Variants in PRP4K observed in about 807,000 individuals in gnomAD.
The protein encoded by PRP4K is serine/threonine-protein kinase PRP4 homolog.
At chr6:4,033,207 A>AT in the PRP4K span, among the ~76,000 whole-genome samples, 1 of 152,226 alleles carries the variant, frequency 6.6e-6, no homozygotes, top group Non-Finnish European at 1.5e-5. Flanking sequence ...TGAGTTTTAA[A>AT]TTTTAACAGT....
At chr6:4,041,054 AAGTT>A in the PRP4K span, 1 of 1,037,086 alleles carries the variant, frequency 9.6e-7, no homozygotes, top group African/African-American at 1.6e-5. Flanking sequence ...CTGAATTTAA[AAGTT>A]AGTCTTTTGT....
chr6:4,021,573 T>A, the PRP4K span: 1 of 1,481,164 alleles, frequency 6.8e-7, no homozygotes, highest in Non-Finnish European at 9.2e-7. Context: ...AGTCAAACTT[T>A]GCTTTTTCCG....
chr6:4,032,333 A>G, the PRP4K span: 3 of 1,613,988 alleles, frequency 1.9e-6, no homozygotes, highest in Non-Finnish European at 2.5e-6. Flanking sequence ...GTAAATCAAA[A>G]GATAGGAAAA....
the PRP4K span, among the ~76,000 whole-genome samples, chr6:4,038,787 T>C: frequency 3.9e-5 from 6 of 152,092 alleles, no homozygotes; most frequent in Non-Finnish European, 8.8e-5. Flanking sequence ...CTTCCCTTTT[T>C]ATAAAAAATG....
chr6:4,035,781 G>A, the PRP4K span, among the ~76,000 whole-genome samples: 16 of 152,104 alleles, frequency 1.1e-4, 1 homozygote, highest in Admixed American at 3.9e-4. Context: ...TAGCTTGACC[G>A]ACATGGAGAA....
At chr6:4,032,119 G>A in the PRP4K span, 1 of 1,613,166 alleles carries the variant, frequency 6.2e-7, no homozygotes, top group South Asian at 1.1e-5. Context: ...AAAAAGAAAA[G>A]TAAGGGGGGT....
chr6:4,029,466 C>A, the PRP4K span, among the ~76,000 whole-genome samples: 1 of 151,566 alleles, frequency 6.6e-6, no homozygotes, highest in Non-Finnish European at 1.5e-5. Context: ...ACCTCAGCCT[C>A]CTGAATAGCT....
the PRP4K span, among the ~76,000 whole-genome samples, chr6:4,058,487 T>C: frequency 9.0e-4 from 137 of 152,358 alleles, no homozygotes; most frequent in African/African-American, 3.1e-3. Context: ...TTTGATGTTA[T>C]AATTGTTTTA....
chr6:4,032,334 G>A, the PRP4K span: 1 of 1,613,856 alleles, frequency 6.2e-7, no homozygotes, highest in African/African-American at 1.3e-5. Flanking sequence ...TAAATCAAAA[G>A]ATAGGAAAAA....
the PRP4K span, among the ~76,000 whole-genome samples, chr6:4,038,586 C>T: frequency 1.2e-4 from 19 of 152,002 alleles, no homozygotes; most frequent in South Asian, 1.0e-3. Flanking sequence ...TTAATACTAC[C>T]GCTTACTCAT....
the PRP4K span, among the ~76,000 whole-genome samples, chr6:4,046,650 G>A: frequency 6.6e-6 from 1 of 151,464 alleles, no homozygotes; most frequent in African/African-American, 2.4e-5. Flanking sequence ...GTTAACATTG[G>A]GTCTTTCAAC....
the PRP4K span, among the ~76,000 whole-genome samples, chr6:4,054,229 C>G: frequency 6.6e-6 from 1 of 152,054 alleles, no homozygotes; most frequent in Non-Finnish European, 1.5e-5. Context: ...AAATGGTGAT[C>G]TCATTAAAGT....
the PRP4K span, among the ~76,000 whole-genome samples, chr6:4,027,592 C>CGG: frequency 0.046 from 361 of 7,814 alleles, 8 homozygotes; most frequent in African/African-American, 0.13. Context: ...GCTTATTTGG[C>CGG]GGAGGGGTGG....
At chr6:4,040,884 T>C in the PRP4K span, 1 of 1,613,976 alleles carries the variant, frequency 6.2e-7, no homozygotes, top group Non-Finnish European at 8.5e-7. Context: ...AGGAAGTCTT[T>C]CTGAAGGAAT....
At chr6:4,042,286 GA>G in the PRP4K span, among the ~76,000 whole-genome samples, 1 of 152,198 alleles carries the variant, frequency 6.6e-6, no homozygotes, top group Non-Finnish European at 1.5e-5. Context: ...AAATAGATGA[GA>G]AGAAAACTGA....
At chr6:4,021,587 C>T in the PRP4K span, 1 of 1,396,296 alleles carries the variant, frequency 7.2e-7, no homozygotes, top group African/African-American at 1.4e-5. Flanking sequence ...TTTTCCGGCG[C>T]GATTCGTTGT....
At chr6:4,036,036 C>A in the PRP4K span, among the ~76,000 whole-genome samples, 1 of 152,120 alleles carries the variant, frequency 6.6e-6, no homozygotes, top group South Asian at 2.1e-4. Context: ...AACCTATTTA[C>A]AATCTGACTG....
the PRP4K span, among the ~76,000 whole-genome samples, chr6:4,023,526 G>A: frequency 6.6e-6 from 1 of 152,114 alleles, no homozygotes; most frequent in African/African-American, 2.4e-5. Flanking sequence ...TAAATTGCTT[G>A]TCAAGTATGA....
At chr6:4,045,724 C>G in the PRP4K span, among the ~76,000 whole-genome samples, 412 of 152,280 alleles carry the variant, frequency 2.7e-3, 1 homozygote, top group African/African-American at 9.6e-3. Context: ...ACTACATATA[C>G]TAACTGTGGC....
Sources: allele counts gnomAD v4.1 joint callset (sites outside exome capture counted in the v4.1 genomes callset), GRCh38; gene constraint gnomAD v4.1.1; transcripts MANE v1.5; gene names NCBI Gene and HGNC (gene_info 2026-07-23, HGNC 2026-07-21).